Variants in AVPI1 observed in about 807,000 individuals in gnomAD.
The protein encoded by AVPI1 is arginine vasopressin induced 1.
A neutral mutation model predicts 11.9 loss-of-function variants in AVPI1; 9 were observed. That is an observed-to-expected ratio of 0.76 (90% CI 0.46 to 1.32). AVPI1 has a LOEUF of 1.32. AVPI1 is among the 40% of genes most tolerant of loss of function. The probability of loss-of-function intolerance (pLI) is 0.00; values close to 1 mark genes in which losing one functional copy is unlikely to be tolerated. For synonymous variants in AVPI1, 68 were observed against 78.1 expected (o/e 0.87, Z 0.68); for missense variants, 207 against 195.8 (o/e 1.06, Z -0.34).
Position 97,677,836 on chromosome 10 carries a change from G to A in AVPI1, c.*33C>T, listed in dbSNP as rs565382622. 268 of 1,611,044 alleles carry A rather than the reference G, an allele frequency of 1.7e-4. 3 individuals carry two copies. The South Asian group carries it at 1.8e-3, about 11-fold the overall frequency. The stretch of plus-strand genomic sequence containing the variant: ...CCTCCCCAGGCCTTTTGGCAAGAGG[G>A]AAGACACTGCCATTCCTGGCTCTTT... On this transcript the variant is annotated 3_prime_UTR_variant, in exon 3 of 3. Coordinates refer to ENST00000370626, the MANE Select transcript of AVPI1 (RefSeq NM_021732.3).
intron 1 of AVPI1, among the ~76,000 whole-genome samples, chr10:97,681,530 C>T (rs1428485683): frequency 2.7e-5 from 4 of 149,858 alleles, no homozygotes; most frequent in Admixed American, 6.7e-5. Context: ...TGCGGTGAGC[C>T]GAGATCCCGC....
chr10:97,682,924 A>T (rs1412424312), intron 1 of AVPI1, among the ~76,000 whole-genome samples: 2 of 152,250 alleles, frequency 1.3e-5, no homozygotes, highest in East Asian at 3.8e-4. Flanking sequence ...TGTGACAAGA[A>T]GACAACAGTC....
Position 97,679,804 on chromosome 10 carries a change from G to A in AVPI1, c.102C>T (p.Ala34=), listed in dbSNP as rs577307826. The part of the protein sequence containing the change: ...KQASANIFQD[A]ELLQIQALFQ... ...ACAGGGCTTGGATCTGCAGCAGCTCGGCGTCCTGGAAGATGTTGGCCGAGG... is the reference window on the plus strand; with the variant it reads ...ACAGGGCTTGGATCTGCAGCAGCTCAGCGTCCTGGAAGATGTTGGCCGAGG... Residue 34 remains alanine, a synonymous_variant, in exon 2 of 3, where the codon GCC becomes GCT. Transcript: ENST00000370626. 5.0e-6 allele frequency: 8 copies of A among 1,613,400 alleles called. No individual in the cohort carries two copies. The highest frequency in any genetic ancestry group is 2.2e-5 in the East Asian group (1 of 44,870).
chr10:97,685,305 CAAAG>C (rs1415226801), intron 1 of AVPI1, among the ~76,000 whole-genome samples: 1 of 152,124 alleles, frequency 6.6e-6, no homozygotes, highest in East Asian at 1.9e-4. Flanking sequence ...GGAACCCTAA[CAAAG>C]AAATATATTT....
Position 97,678,959 on chromosome 10 carries a change from G to T in AVPI1, c.287+660C>A, listed in dbSNP as rs1564779947. Reference sequence around the variant, plus strand: ...TGTGTGTGTGTGTGTGTGTGTGTGTGTGTGTGTGTGTGTGTGTGTGTGTGT... The same window carrying T: ...TGTGTGTGTGTGTGTGTGTGTGTGTTTGTGTGTGTGTGTGTGTGTGTGTGT... On this transcript the variant is annotated intron_variant, in intron 2 of 2. Coordinates refer to ENST00000370626, the MANE Select transcript of AVPI1 (RefSeq NM_021732.3). Among the ~76,000 whole-genome samples, 22 of 65,748 alleles carry T rather than the reference G, an allele frequency of 3.3e-4. 2 individuals carry two copies. The highest frequency in any genetic ancestry group is 1.5e-3 in the East Asian group (4 of 2,720). 43.1% of individuals were successfully genotyped at this position (65,748 alleles called of 152,430 possible).
chr10:97,679,790 A>T lies in AVPI1; in HGVS notation c.116T>A (p.Ile39Asn). 1 of 1,613,844 alleles carries T rather than the reference A, an allele frequency of 6.2e-7. No homozygotes were observed. Among genetic ancestry groups the T allele is most frequent in the Non-Finnish European group, 8.5e-7 (1 of 1,179,992 alleles). Residue 39 changes from isoleucine to asparagine, a missense_variant, in exon 2 of 3, where the codon ATC becomes AAC. Transcript: ENST00000370626. ...CCCGCTGCGTTGAAACAGGGCTTGG[A>T]TCTGCAGCAGCTCGGCGTCCTGGAA... ...NIFQDAELLQ[I>N]QALFQRSGDQ... is the part of the protein sequence containing the mutation.
chr10:97,681,903 A>G (rs946234070), intron 1 of AVPI1, among the ~76,000 whole-genome samples: 7 of 151,198 alleles, frequency 4.6e-5, no homozygotes, highest in Non-Finnish European at 5.9e-5. Flanking sequence ...AGAAAAAAAA[A>G]AAAAAAAGAA....
In AVPI1 at chr10:97,677,676, T is replaced by C; in HGVS notation, c.*193A>G. The C allele has an allele frequency of 1.7e-6, 1 of 597,606 alleles. No individual in the cohort carries two copies. 37.0% of individuals were successfully genotyped at this position (597,606 alleles called of 1,614,324 possible). On this transcript the variant is annotated 3_prime_UTR_variant, in exon 3 of 3. Coordinates refer to ENST00000370626, the MANE Select transcript of AVPI1 (RefSeq NM_021732.3). ...CAGTCACTGTCTCTCCTCATTTTGG[T>C]GAGGAATGGGTCCCACATAATGGAG...
At chr10:97,683,526 A>G (rs1210918425) in intron 1 of AVPI1, among the ~76,000 whole-genome samples, 2 of 152,246 alleles carry the variant, frequency 1.3e-5, no homozygotes, top group East Asian at 3.9e-4. Context: ...TCACATTTCT[A>G]TGAAGAATGC....
intron 2 of AVPI1, 53 bp downstream of exon 2, chr10:97,679,566 G>A: frequency 6.5e-7 from 1 of 1,533,190 alleles, no homozygotes; most frequent in Non-Finnish European, 8.8e-7. Context: ...GCCATGCAGT[G>A]GTGGAACAGG....
At chr10:97,681,894 GAAAAA>G (rs555725587) in intron 1 of AVPI1, among the ~76,000 whole-genome samples, 1 of 106,260 alleles carries the variant, frequency 9.4e-6, no homozygotes, top group Non-Finnish European at 1.9e-5. Flanking sequence ...CAAAAAAAAA[GAAAAA>G]AAAAAAAAAA....
chr10:97,678,287 A>G (rs1218938074), intron 2 of AVPI1, among the ~76,000 whole-genome samples: 1 of 152,264 alleles, frequency 6.6e-6, no homozygotes, highest in Non-Finnish European at 1.5e-5. Context: ...GGCAGATGTC[A>G]TAAGTCATGC....
At chr10:97,680,061 T>C in intron 1 of AVPI1, 146 bp from the exon 2 acceptor site, 1 of 779,766 alleles carries the variant, frequency 1.3e-6, no homozygotes, top group Non-Finnish European at 2.0e-6. Context: ...ACTTAAGCAC[T>C]TATGTGTCAG....
intron 2 of AVPI1, among the ~76,000 whole-genome samples, chr10:97,679,141 CTT>C (rs559721224): frequency 1.8e-4 from 22 of 124,156 alleles, no homozygotes; most frequent in Admixed American, 4.3e-4. Context: ...TAACAGCAAT[CTT>C]TTTTTTTTTT....
intron 1 of AVPI1, among the ~76,000 whole-genome samples, chr10:97,681,714 A>C (rs2041704773): frequency 9.3e-6 from 1 of 107,108 alleles, no homozygotes; most frequent in Non-Finnish European, 2.3e-5. Context: ...CGTCTCTACT[A>C]AAAAATACAA....
At chr10:97,681,894 G>GAAAAAAAAAA (rs555725587) in intron 1 of AVPI1, among the ~76,000 whole-genome samples, 19 of 106,234 alleles carry the variant, frequency 1.8e-4, no homozygotes, top group South Asian at 2.8e-4. Flanking sequence ...CAAAAAAAAA[G>GAAAAAAAAAA]AAAAAAAAAA....
chr10:97,682,560 A>G lies in AVPI1; in HGVS notation c.-10-2645T>C, dbSNP rs574416419. ...TAACCTGCCTTTTGTTCTCTGTAAG[A>G]GTTTGAATTGTCTCCGCCCCACTCA... On this transcript the variant is annotated intron_variant, in intron 1 of 2. Transcript: ENST00000370626. 2.0e-4 allele frequency among the ~76,000 whole-genome samples: 30 copies of G among 152,194 alleles called. 2 individuals carry two copies. Among genetic ancestry groups the G allele is most frequent in the South Asian group, 1.2e-3 (6 of 4,818 alleles).
chr10:97,684,942 A>G (rs1286885210), intron 1 of AVPI1, among the ~76,000 whole-genome samples: 1 of 152,206 alleles, frequency 6.6e-6, no homozygotes, highest in Non-Finnish European at 1.5e-5. Flanking sequence ...GAACACTTTT[A>G]TTATCAAAGG....
intron 1 of AVPI1, 77 bp from the exon 2 acceptor site, chr10:97,679,992 GCTT>G: frequency 7.5e-7 from 1 of 1,325,754 alleles, no homozygotes; most frequent in Middle Eastern, 2.0e-4. Flanking sequence ...TAATCCTAGG[GCTT>G]CTGATGTTTC....
Sources: allele counts gnomAD v4.1 joint callset (sites outside exome capture counted in the v4.1 genomes callset), GRCh38; gene constraint gnomAD v4.1.1; transcripts MANE v1.5; gene names NCBI Gene and HGNC (gene_info 2026-07-23, HGNC 2026-07-21).